Variants in DTNA observed in about 807,000 individuals in gnomAD.
DTNA encodes the protein dystrobrevin alpha.
Under a neutral mutation model 100.7 loss-of-function variants are expected in DTNA, and 43 were observed. That is an observed-to-expected ratio of 0.43 (90% CI 0.33 to 0.55). The LOEUF (loss-of-function observed/expected upper bound fraction) is 0.55. DTNA is among the 20% of genes least tolerant of loss of function. The probability of loss-of-function intolerance (pLI) is 0.04; values close to 1 mark genes in which losing one functional copy is unlikely to be tolerated. For missense variants in DTNA, 798 were observed against 953.9 expected, an observed-to-expected ratio of 0.84 and a Z score of 2.15; for synonymous variants, 349 against 347.9, an observed-to-expected ratio of 1.00 and a Z score of -0.04.
chr18:34,731,435 C>T lies in DTNA; in HGVS notation c.-2+20990C>T, dbSNP rs558551145. On this transcript the variant is annotated intron_variant, in intron 1 of 22. Transcript: ENST00000444659. ...CGGAGCTTGCAGTGAGCCGAGATTG[C>T]GCCACTGCAGTCCGCAGTCCAGCCT... 1.3e-3 allele frequency among the ~76,000 whole-genome samples: 193 copies of T among 151,760 alleles called. 1 individual carries two copies. The highest frequency in any genetic ancestry group is 4.3e-3 in the African/African-American group (179 of 41,340).
At chr18:34,811,883 T>G (rs2095493786) in intron 5 of DTNA, 76 bp from the exon 6 acceptor site, 2 of 1,560,424 alleles carry the variant, frequency 1.3e-6, no homozygotes, top group Admixed American at 3.4e-5. Flanking sequence ...TTTTGTCATT[T>G]GTAGCAGATA....
intron 11 of DTNA, among the ~76,000 whole-genome samples, chr18:34,830,584 T>C (rs2095983491): frequency 6.6e-6 from 1 of 152,150 alleles, no homozygotes; most frequent in African/African-American, 2.4e-5. Flanking sequence ...TTTCTAGCTC[T>C]GTACTTGATT....
At chr18:34,814,200 T>G (rs550467160) in intron 6 of DTNA, among the ~76,000 whole-genome samples, 1 of 152,346 alleles carries the variant, frequency 6.6e-6, no homozygotes, top group Admixed American at 6.5e-5. Flanking sequence ...GCAGATGATC[T>G]GACTCAAGGA....
At chr18:34,649,394 T>G (rs1405354715) in intron 1 of DTNA, among the ~76,000 whole-genome samples, 2 of 152,234 alleles carry the variant, frequency 1.3e-5, no homozygotes, top group Non-Finnish European at 2.9e-5. Flanking sequence ...GGGGACGTTA[T>G]ACCCACGATC....
chr18:34,774,930 G>A (rs2093969213), intron 3 of DTNA, among the ~76,000 whole-genome samples: 1 of 152,170 alleles, frequency 6.6e-6, no homozygotes, highest in Non-Finnish European at 1.5e-5. Context: ...CATCAGTTAT[G>A]CTTTCACATA....
chr18:34,714,808 A>T (rs1312061296), intron 1 of DTNA, among the ~76,000 whole-genome samples: 1 of 152,196 alleles, frequency 6.6e-6, no homozygotes, highest in Non-Finnish European at 1.5e-5. Context: ...GAACCAAGCC[A>T]AACGTCCAAC....
chr18:34,527,219 T>G (rs1475585970), intron 1 of DTNA, among the ~76,000 whole-genome samples: 2 of 151,966 alleles, frequency 1.3e-5, no homozygotes, highest in African/African-American at 4.8e-5. Flanking sequence ...ATCTCTCTGC[T>G]AAAAGAGTGC....
intron 1 of DTNA, among the ~76,000 whole-genome samples, chr18:34,578,840 A>G (rs1037481088): frequency 6.6e-6 from 1 of 152,198 alleles, no homozygotes; most frequent in South Asian, 2.1e-4. Flanking sequence ...CTATTTTTAT[A>G]CCACTACCAT....
Position 34,570,292 on chromosome 18 carries a change from G to A in DTNA, c.-2+76778G>A, listed in dbSNP as rs7238542. Among the ~76,000 whole-genome samples, 627 of 152,274 alleles carry A rather than the reference G, an allele frequency of 4.1e-3. 5 individuals are homozygous for A. Among genetic ancestry groups the A allele is most frequent in the African/African-American group, 0.014 (588 of 41,556 alleles). Reference sequence around the variant, plus strand: ...TTGTAGGCACTCAATAAAAGTGATGGATAAATGAGGTAATAAGTTGCATTT... The same window carrying A: ...TTGTAGGCACTCAATAAAAGTGATGAATAAATGAGGTAATAAGTTGCATTT... On this transcript the variant is annotated intron_variant, in intron 1 of 19. Transcript: ENST00000283365.
intron 21 of DTNA, among the ~76,000 whole-genome samples, chr18:34,883,324 CT>C (rs2096891872): frequency 7.0e-6 from 1 of 142,228 alleles, no homozygotes; most frequent in South Asian, 2.2e-4. Context: ...TTTTTTTTTT[CT>C]TTTTGAGACA....
intron 3 of DTNA, among the ~76,000 whole-genome samples, chr18:34,790,567 A>ATATATATATATATTTTTTTT (rs2094687460): frequency 2.0e-4 from 8 of 39,652 alleles, no homozygotes; most frequent in African/African-American, 6.4e-4. Flanking sequence ...ATATATATAT[A>ATATATATATATATTTTTTTT]TTTTTTTTTT....
At chr18:34,564,983 A>G (rs984274497) in intron 1 of DTNA, among the ~76,000 whole-genome samples, 1 of 152,242 alleles carries the variant, frequency 6.6e-6, no homozygotes, top group Non-Finnish European at 1.5e-5. Context: ...GCCTTAATAA[A>G]ATTAATTTGC....
intron 20 of DTNA, among the ~76,000 whole-genome samples, chr18:34,881,822 A>G (rs962905894): frequency 2.0e-5 from 3 of 151,518 alleles, no homozygotes; most frequent in African/African-American, 7.3e-5. Context: ...ACCCTAGGAA[A>G]AGATAAATGA....
In DTNA at chr18:34,873,703, T is replaced by C. The variant is rs113892531; in HGVS notation, c.1744-1536T>C. 8.3e-4 allele frequency among the ~76,000 whole-genome samples: 126 copies of C among 152,322 alleles called. 1 individual carries two copies. The highest frequency in any genetic ancestry group is 2.5e-3 in the African/African-American group (105 of 41,576). On this transcript the variant is annotated intron_variant, in intron 17 of 22. Coordinates refer to ENST00000444659, the MANE Select transcript of DTNA (RefSeq NM_001386795.1). ...TCAGTGAGAGTGTATGTGAAAACCC[T>C]TTGAACATCATAAGGCACAACGCAA...
chr18:34,873,960 C>A (rs946864719), intron 17 of DTNA, among the ~76,000 whole-genome samples: 4 of 152,134 alleles, frequency 2.6e-5, no homozygotes, highest in African/African-American at 7.2e-5. Context: ...AAGAATGGGA[C>A]CCTCAGCCCA....
intron 1 of DTNA, among the ~76,000 whole-genome samples, chr18:34,638,990 T>C (rs2058962775): frequency 6.6e-6 from 1 of 152,274 alleles, no homozygotes; most frequent in African/African-American, 2.4e-5. Context: ...TACAGCCATG[T>C]GCCACCATGT....
chr18:34,848,661 C>G (rs117042205), intron 14 of DTNA, among the ~76,000 whole-genome samples: 2,600 of 152,014 alleles, frequency 0.017, 34 homozygotes, highest in Middle Eastern at 0.027. Context: ...CATATGAAGT[C>G]CCAAGGAAGG....
intron 1 of DTNA, among the ~76,000 whole-genome samples, chr18:34,726,322 G>A (rs2040298): frequency 0.11 from 16,684 of 152,012 alleles, 1,290 homozygotes; most frequent in African/African-American, 0.21. Context: ...CTGGTCCCCC[G>A]AATTTCATGT....
At position 34,598,558 on chromosome 18, in the gene DTNA, C is replaced by G. The variant is rs1449324450; in HGVS notation, c.-2+105044C>G. 6.6e-5 allele frequency among the ~76,000 whole-genome samples: 10 copies of G among 152,214 alleles called. No individual in the cohort carries two copies. In the South Asian group the frequency reaches 1.9e-3, roughly 28 times the overall value. ...CAATATTGTGAAAGCTTGTGGAAAA[C>G]TTTTCTTAAAATTTTTAAGGCCTTG... On this transcript the variant is annotated intron_variant, in intron 1 of 19. Transcript: ENST00000283365.
Sources: gnomAD v4.1 joint callset for allele counts (sites outside exome capture counted in the v4.1 genomes callset) on GRCh38, gnomAD v4.1.1 for gene constraint, MANE v1.5 for transcripts, NCBI Gene and HGNC (gene_info 2026-07-23, HGNC 2026-07-21) for gene names.